AP2B1: variants seen among roughly 807,000 people sequenced by gnomAD.
The protein encoded by AP2B1 is adaptor related protein complex 2 subunit beta 1.
AP2B1 carries 23 observed loss-of-function variants against 102.0 expected under a neutral mutation model. That is an observed-to-expected ratio of 0.23 (90% confidence interval 0.16 to 0.32). The LOEUF (loss-of-function observed/expected upper bound fraction) is 0.32. AP2B1 is among the 10% of genes least tolerant of loss of function. AP2B1 has a pLI of 1.00. For synonymous variants in AP2B1, 381 were observed against 421.2 expected (o/e 0.90, Z 1.17); for missense variants, 541 against 1,157.4 (o/e 0.47, Z 7.73).
chr17:35,665,738 C>T (rs182372159), intron 14 of AP2B1, among the ~76,000 whole-genome samples: 1 of 152,292 alleles, frequency 6.6e-6, no homozygotes, highest in East Asian at 1.9e-4. Flanking sequence ...AAAAGAGACA[C>T]TAGCTCTAAA....
chr17:35,672,956 G>A (rs1026379811), intron 16 of AP2B1, among the ~76,000 whole-genome samples: 4 of 152,080 alleles, frequency 2.6e-5, no homozygotes, highest in Admixed American at 1.3e-4. Context: ...TGAACATTCC[G>A]TGTCAGTGGG....
chr17:35,690,156 A>C (rs1358722122), intron 18 of AP2B1, among the ~76,000 whole-genome samples: 1 of 151,994 alleles, frequency 6.6e-6, no homozygotes, highest in East Asian at 1.9e-4. Context: ...TCCGTTCTTC[A>C]GACTGGATAA....
At chr17:35,617,068 T>C (rs78477983) in intron 5 of AP2B1, among the ~76,000 whole-genome samples, 3 of 152,166 alleles carry the variant, frequency 2.0e-5, no homozygotes, top group African/African-American at 7.2e-5. Flanking sequence ...CTTTTTTTTT[T>C]CTTAAGAGAC....
chr17:35,679,963 G>T (rs906835180), intron 17 of AP2B1, among the ~76,000 whole-genome samples: 3 of 141,014 alleles, frequency 2.1e-5, no homozygotes, highest in Non-Finnish European at 3.0e-5. Context: ...TTTCGCTCTT[G>T]TTGCCCAGGC....
chr17:35,598,663 A>C (rs922713076), intron 3 of AP2B1, among the ~76,000 whole-genome samples: 3 of 152,224 alleles, frequency 2.0e-5, no homozygotes, highest in Non-Finnish European at 4.4e-5. Flanking sequence ...ATAAAAATAC[A>C]CTGAGAAGCA....
intron 17 of AP2B1, among the ~76,000 whole-genome samples, chr17:35,678,719 G>A (rs1262269035): frequency 6.6e-6 from 1 of 152,148 alleles, no homozygotes; most frequent in Non-Finnish European, 1.5e-5. Flanking sequence ...TGTTTAGGAT[G>A]TGTTGTCTTT....
At chr17:35,662,278 A>AT (rs1307211870) in intron 14 of AP2B1, among the ~76,000 whole-genome samples, 1 of 152,024 alleles carries the variant, frequency 6.6e-6, no homozygotes, top group East Asian at 1.9e-4. Flanking sequence ...AAACATCCTT[A>AT]TTTTTTTATC....
At chr17:35,715,454 T>C (rs2076533842) in intron 20 of AP2B1, among the ~76,000 whole-genome samples, 1 of 152,252 alleles carries the variant, frequency 6.6e-6, no homozygotes, top group Admixed American at 6.5e-5. Context: ...AGGTGGGTGT[T>C]CAACAAAGGC....
chr17:35,621,804 C>G, intron 5 of AP2B1, among the ~76,000 whole-genome samples: 1 of 152,126 alleles, frequency 6.6e-6, no homozygotes, highest in East Asian at 1.9e-4. Flanking sequence ...GTTTTTAATT[C>G]TCCCCCTTCT....
chr17:35,671,574 C>T (rs4796101), intron 15 of AP2B1, among the ~76,000 whole-genome samples, 180 bp from the exon 16 acceptor site: 131,638 of 152,232 alleles, frequency 0.86, 57,247 homozygotes, highest in East Asian at 0.97. Flanking sequence ...TTATCAATGA[C>T]GAAAAAATAA....
Position 35,687,327 on chromosome 17 carries a change from C to T in AP2B1, c.2454+4503C>T, listed in dbSNP as rs587672043. Among the ~76,000 whole-genome samples, 4 of 151,930 alleles carry T rather than the reference C, an allele frequency of 2.6e-5. No homozygotes were observed. The East Asian group carries it at 7.7e-4, about 29-fold the overall frequency. On this transcript the variant is annotated intron_variant, in intron 18 of 21. Transcript: ENST00000610402. ...TAGAGACGGGGTCTCTCCATGTTGC[C>T]TAGGCTGGTCTCAAATTCCTGCGGT... is the stretch of plus-strand genomic sequence containing the variant.
intron 21 of AP2B1, among the ~76,000 whole-genome samples, chr17:35,720,541 TTATTTATATATA>T (rs1283756749): frequency 1.9e-5 from 2 of 105,264 alleles, no homozygotes; most frequent in African/African-American, 3.8e-5. Flanking sequence ...TATTTTTATT[TTATTTATATATA>T]TATATATATA....
intron 5 of AP2B1, among the ~76,000 whole-genome samples, chr17:35,622,866 A>G (rs1367096041): frequency 6.6e-6 from 1 of 152,010 alleles, no homozygotes; most frequent in African/African-American, 2.4e-5. Flanking sequence ...GGGTTTCACC[A>G]TGTTGGCCAG....
intron 10 of AP2B1, 39 bp from the exon 11 acceptor site, chr17:35,639,556 T>G (rs2074708163): frequency 6.4e-7 from 1 of 1,570,062 alleles, no homozygotes; most frequent in South Asian, 1.2e-5. Context: ...TAGTTCTTAG[T>G]TTTGCCCTCA....
chr17:35,659,524 G>C (rs2075311403), intron 14 of AP2B1, among the ~76,000 whole-genome samples: 1 of 152,150 alleles, frequency 6.6e-6, no homozygotes, highest in Non-Finnish European at 1.5e-5. Context: ...TGCAAGTATT[G>C]TATCAAAGGG....
chr17:35,660,221 T>C, intron 14 of AP2B1: 1 of 309,536 alleles, frequency 3.2e-6, no homozygotes, highest in Non-Finnish European at 4.7e-6. Flanking sequence ...GCTCAAGCAA[T>C]CCCCCTGCCT....
rs769667985 is a variant in AP2B1 at position 35,626,630 on chromosome 17, G to A, written c.726G>A (p.Glu242=). 6.2e-7 allele frequency: 1 copy of A among 1,610,250 alleles called. No homozygotes were observed. Among genetic ancestry groups the A allele is most frequent in the Non-Finnish European group, 8.5e-7 (1 of 1,177,430 alleles). The change falls in exon 7 of 22, where the codon GAG becomes GAA. Residue 242 remains glutamate (E), a synonymous_variant. Coordinates refer to ENST00000610402, the MANE Select transcript of AP2B1 (RefSeq NM_001030006.2). ...CATTCTCCACCCTCAGCATCTGTGA[G>A]CGGGTAACTCCCCGGCTATCCCATG... The part of the protein sequence containing the change: ...KDDREAQSIC[E]RVTPRLSHAN...
intron 2 of AP2B1, among the ~76,000 whole-genome samples, chr17:35,595,036 A>G (rs75086906): frequency 0.032 from 4,930 of 152,290 alleles, 98 homozygotes; most frequent in Middle Eastern, 0.054. Flanking sequence ...TACATTTACC[A>G]AAGTATTCCA....
intron 2 of AP2B1, among the ~76,000 whole-genome samples, chr17:35,594,452 T>TA (rs1218447648): frequency 2.0e-5 from 3 of 152,206 alleles, no homozygotes; most frequent in African/African-American, 7.2e-5. Context: ...GCAATACAGA[T>TA]ATGTATGTAA....
Sources: allele counts gnomAD v4.1 joint callset (sites outside exome capture counted in the v4.1 genomes callset), GRCh38; gene constraint gnomAD v4.1.1; transcripts MANE v1.5; gene names NCBI Gene and HGNC (gene_info 2026-07-23, HGNC 2026-07-21).